Variants in TACC2 observed in about 807,000 individuals in gnomAD.
TACC2 encodes transforming acidic coiled-coil containing protein 2, also known as transforming acidic coiled-coil-containing protein 2.
A neutral mutation model predicts 227.3 loss-of-function variants in TACC2; 137 were observed. The observed-to-expected ratio is 0.60, with a 90% confidence interval of 0.52 to 0.69. TACC2 has a LOEUF of 0.69. TACC2 is among the 30% of genes least tolerant of loss of function. The pLI, the probability that TACC2 is intolerant of heterozygous loss-of-function variation, is 0.00. For synonymous variants in TACC2, 1,523 were observed against 1,487.5 expected (o/e 1.02, Z -0.55); for missense variants, 3,470 against 3,694.4 (o/e 0.94, Z 1.57).
intron 1 of TACC2, among the ~76,000 whole-genome samples, chr10:121,998,837 A>G (rs999183330): frequency 3.3e-5 from 5 of 152,146 alleles, no homozygotes; most frequent in Admixed American, 6.6e-5. Context: ...TGGGGCTCCA[A>G]AGAAATATCC....
intron 2 of TACC2, among the ~76,000 whole-genome samples, chr10:122,025,085 T>C (rs1957816660): frequency 2.0e-5 from 3 of 152,200 alleles, no homozygotes; most frequent in African/African-American, 7.2e-5. Context: ...GGTGTCACTT[T>C]TTGGTGTTGC....
chr10:122,231,704 G>A (rs532539513), intron 16 of TACC2, among the ~76,000 whole-genome samples: 58 of 152,332 alleles, frequency 3.8e-4, no homozygotes, highest in African/African-American at 1.4e-3. Flanking sequence ...CGCTGGGTGT[G>A]GTGGTACACA....
Position 122,210,696 on chromosome 10 carries a change from G to A in TACC2, c.6271G>A (p.Ala2091Thr), listed in dbSNP as rs2095271435. The A allele has an allele frequency of 6.2e-7, 1 of 1,614,010 alleles. No individual in the cohort carries two copies. Among genetic ancestry groups the A allele is most frequent in the African/African-American group, 1.3e-5 (1 of 74,922 alleles). ...STLSRSLSLQ[A>T]SDFDGASSSG... is the part of the protein sequence containing the mutation. ...ACTGTCCCGGTCGCTCAGCCTGCAA[G>A]CCAGTGACTTTGATGGTGCTTCTTC... is the stretch of plus-strand genomic sequence containing the variant. Residue 2091 changes from alanine to threonine, a missense_variant, in exon 9 of 23, where the codon GCC (alanine) becomes ACC (threonine). This residue lies in a region of TACC2 where 593 missense variants were observed against 636.6 expected (regional missense o/e 0.93). Coordinates refer to ENST00000369005, the MANE Select transcript of TACC2 (RefSeq NM_206862.4). This position sits in a 1 kb window ranked among gnomAD's most constrained non-coding sequence, Gnocchi z 4.6.
intron 6 of TACC2, among the ~76,000 whole-genome samples, chr10:122,142,663 T>C (rs968271094): frequency 6.6e-6 from 1 of 152,208 alleles, no homozygotes; most frequent in African/African-American, 2.4e-5. Flanking sequence ...CTGCAAGGGC[T>C]GTGACGCCAC....
Position 122,156,985 on chromosome 10 carries a change from G to A in TACC2, c.5834+13279G>A, listed in dbSNP as rs149201401. ...AAATTAGCTAGGCATGGTGGCACAC[G>A]TCTGTGGTCCCAGCTAATCAGGAGA... On this transcript the variant is annotated intron_variant, in intron 7 of 22. Coordinates refer to ENST00000369005, the MANE Select transcript of TACC2 (RefSeq NM_206862.4). 7.5e-3 allele frequency among the ~76,000 whole-genome samples: 1,146 copies of A among 152,042 alleles called. 12 individuals are homozygous for A. The highest frequency in any genetic ancestry group is 0.025 in the African/African-American group (1,026 of 41,462).
At chr10:122,174,603 T>G (rs2093622871) in intron 7 of TACC2, among the ~76,000 whole-genome samples, 1 of 152,340 alleles carries the variant, frequency 6.6e-6, no homozygotes, top group South Asian at 2.1e-4. Context: ...CTCCTGTTTT[T>G]TTTTAAATTG....
chr10:121,998,248 G>T (rs1953807500), intron 1 of TACC2, among the ~76,000 whole-genome samples: 1 of 150,578 alleles, frequency 6.6e-6, no homozygotes, highest in South Asian at 2.1e-4. Flanking sequence ...GGAGGTGGAG[G>T]TTGCAGTGAG....
chr10:122,195,392 G>A (rs188942741), intron 8 of TACC2, among the ~76,000 whole-genome samples: 25 of 152,320 alleles, frequency 1.6e-4, no homozygotes, highest in African/African-American at 5.3e-4. Flanking sequence ...ATTTTAGGGG[G>A]GGCCTCTGGG....
chr10:122,050,336 C>T lies in TACC2; in HGVS notation c.34-102C>T, dbSNP rs896574773. ...TTGGACGGCAGAGCAAGTGAACAAC[C>T]TTACCTTGAATGCTGTGGTGGGTGC... On this transcript the variant is annotated intron_variant, in intron 2 of 22. Coordinates refer to ENST00000369005, the MANE Select transcript of TACC2 (RefSeq NM_206862.4). This position sits in a 1 kb window ranked among gnomAD's most constrained non-coding sequence, Gnocchi z 4.6. 80 of 876,064 alleles carry T rather than the reference C, an allele frequency of 9.1e-5. No individual in the cohort carries two copies. Among genetic ancestry groups the T allele is most frequent in the Middle Eastern group, 6.9e-4 (3 of 4,370 alleles). 54.3% of individuals were successfully genotyped at this position (876,064 alleles called of 1,614,324 possible).
In TACC2 at chr10:122,020,406, A is replaced by T. The variant is rs560116387; in HGVS notation, c.-45-1531A>T. Among the ~76,000 whole-genome samples the T allele has an allele frequency of 3.3e-5, 5 of 152,236 alleles. No individual in the cohort carries two copies. In the South Asian group the frequency reaches 8.3e-4, roughly 25 times the overall value. On this transcript the variant is annotated intron_variant, in intron 1 of 22. Coordinates refer to ENST00000369005, the MANE Select transcript of TACC2 (RefSeq NM_206862.4). ...TTGATTGAAGGGTTAGGAGTGAAAG[A>T]ATTGAATGCTGTGGTGACGTCACTC...
intron 3 of TACC2, among the ~76,000 whole-genome samples, chr10:122,059,524 C>A (rs1291319270): frequency 6.6e-6 from 1 of 151,586 alleles, no homozygotes; most frequent in Middle Eastern, 3.4e-3. Context: ...TTGGATAATT[C>A]GCATACAGAC....
chr10:122,074,342 A>G lies in TACC2; in HGVS notation c.147-8305A>G, dbSNP rs577785065. On this transcript the variant is annotated intron_variant, in intron 3 of 22. Transcript: ENST00000369005. ...TGATCCACCTGCCTCGGCCTCCCAAAGTGCTGGGATTATAGGTATGACCCA... is the reference window on the plus strand; with the variant it reads ...TGATCCACCTGCCTCGGCCTCCCAAGGTGCTGGGATTATAGGTATGACCCA... Among the ~76,000 whole-genome samples the G allele has an allele frequency of 2.6e-5, 4 of 152,216 alleles. No homozygotes were observed. The South Asian group carries it at 8.3e-4, about 32-fold the overall frequency.
chr10:122,096,125 A>T (rs965891220), intron 5 of TACC2, among the ~76,000 whole-genome samples: 1 of 152,158 alleles, frequency 6.6e-6, no homozygotes, highest in African/African-American at 2.4e-5. Flanking sequence ...TGGGGAGACC[A>T]AGTGGTTGTG....
Position 122,082,774 on chromosome 10 carries a change from G to A in TACC2, c.274G>A (p.Gly92Ser). The change falls in exon 4 of 23, where the codon GGT (glycine) becomes AGT (serine). Residue 92 changes from glycine (G) to serine (S), a missense_variant. Gly to Ser is a moderately conservative substitution (Grantham distance 56). Transcript: ENST00000369005. Reference sequence around the variant, plus strand: ...CCCACAGGGAGCCAGGGGGCCAGAAGGTTCTTTGCTGCCCAGCCCACCACC... The same window carrying A: ...CCCACAGGGAGCCAGGGGGCCAGAAAGTTCTTTGCTGCCCAGCCCACCACC... ...KDPQGARGPE[G>S]SLLPSPPPSQ... is the part of the protein sequence containing the mutation. 6.2e-7 allele frequency: 1 copy of A among 1,613,954 alleles called. No homozygotes were observed. Among genetic ancestry groups the A allele is most frequent in the Non-Finnish European group, 8.5e-7 (1 of 1,180,020 alleles).
intron 22 of TACC2, among the ~76,000 whole-genome samples, chr10:122,250,264 C>T (rs201252921): frequency 3.3e-5 from 5 of 152,230 alleles, no homozygotes; most frequent in Non-Finnish European, 7.3e-5. Flanking sequence ...GCTGTTGAGA[C>T]TGCGTGTGTG....
At chr10:122,193,456 T>C (rs2094473251) in intron 7 of TACC2, among the ~76,000 whole-genome samples, 1 of 152,118 alleles carries the variant, frequency 6.6e-6, no homozygotes, top group Admixed American at 6.5e-5. Context: ...GGTCCCTGGT[T>C]CTTTGATCTT....
chr10:122,245,658 C>G (rs2096094798), intron 19 of TACC2, among the ~76,000 whole-genome samples: 1 of 152,132 alleles, frequency 6.6e-6, no homozygotes, highest in Non-Finnish European at 1.5e-5. Context: ...AAAAAGCTCC[C>G]TCTTCGCAAG....
At chr10:122,014,326 C>T (rs1445891340) in intron 1 of TACC2, among the ~76,000 whole-genome samples, 6 of 151,896 alleles carry the variant, frequency 4.0e-5, no homozygotes, top group Admixed American at 1.3e-4. Context: ...TCTCCTGCCT[C>T]AGCCTCCAGA....
At chr10:122,215,317 C>G in intron 9 of TACC2, 74 bp from the exon 10 acceptor site, 1 of 1,366,550 alleles carries the variant, frequency 7.3e-7, no homozygotes, top group Non-Finnish European at 1.0e-6. Flanking sequence ...GCAGTAGCTT[C>G]GGTCCGCTCT....
Sources: gnomAD v4.1 joint callset for allele counts (sites outside exome capture counted in the v4.1 genomes callset) on GRCh38, gnomAD v4.1.1 for gene constraint, gnomAD v4.1.1 regional missense constraint, Gnocchi (gnomAD v3.1) non-coding constraint, MANE v1.5 for transcripts, NCBI Gene and HGNC (gene_info 2026-07-23, HGNC 2026-07-21) for gene names.